PDZD2: variants seen among roughly 807,000 people sequenced by gnomAD.
PDZD2 encodes the protein PDZ domain containing 2.
A neutral mutation model predicts 220.7 loss-of-function variants in PDZD2; 90 were observed. That is an observed-to-expected ratio of 0.41 (90% CI 0.34 to 0.49). The LOEUF is 0.49. PDZD2 is among the 20% of genes least tolerant of loss of function. The probability of loss-of-function intolerance (pLI) is 0.28; values close to 1 mark genes in which losing one functional copy is unlikely to be tolerated. For synonymous variants in PDZD2, 1,375 were observed against 1,450.5 expected, an observed-to-expected ratio of 0.95 and a Z score of 1.18; for missense variants, 3,174 against 3,608.5, an observed-to-expected ratio of 0.88 and a Z score of 3.08.
chr5:31,919,885 T>C (rs1171386813), intron 2 of PDZD2, among the ~76,000 whole-genome samples: 1 of 150,632 alleles, frequency 6.6e-6, no homozygotes, highest in Non-Finnish European at 1.5e-5. Flanking sequence ...CCAGGCGTGG[T>C]GGTGTGTGCC....
intron 1 of PDZD2, among the ~76,000 whole-genome samples, chr5:31,759,315 G>C (rs1751491386): frequency 6.6e-6 from 1 of 152,136 alleles, no homozygotes; most frequent in Admixed American, 6.5e-5. Context: ...GCTCTTCGAG[G>C]CTTCGGGGGG....
At chr5:32,069,515 T>C (rs1344962521) in intron 14 of PDZD2, 54 bp from the exon 15 acceptor site, 1 of 1,023,092 alleles carries the variant, frequency 9.8e-7, no homozygotes, top group South Asian at 1.3e-5. Context: ...GTACTTTCAT[T>C]GGGAGAAATA....
At chr5:31,779,659 C>T (rs1020372849) in intron 1 of PDZD2, among the ~76,000 whole-genome samples, 1 of 152,140 alleles carries the variant, frequency 6.6e-6, no homozygotes, top group South Asian at 2.1e-4. Flanking sequence ...AGGTGTGAGC[C>T]ACCGCGCCCG....
At chr5:31,828,756 C>G (rs1308972155) in intron 2 of PDZD2, among the ~76,000 whole-genome samples, 1 of 152,208 alleles carries the variant, frequency 6.6e-6, no homozygotes, top group African/African-American at 2.4e-5. Context: ...ATGCCTCAGC[C>G]TTAGAAAGCA....
chr5:31,996,154 T>C (rs1258056323), intron 4 of PDZD2, among the ~76,000 whole-genome samples: 1 of 152,210 alleles, frequency 6.6e-6, no homozygotes, highest in African/African-American at 2.4e-5. Flanking sequence ...GCACTGGGGC[T>C]CCACTTGTCA....
intron 18 of PDZD2, among the ~76,000 whole-genome samples, chr5:32,075,928 T>C (rs530032850): frequency 6.6e-6 from 1 of 152,330 alleles, no homozygotes; most frequent in African/African-American, 2.4e-5. Flanking sequence ...AATATCATAT[T>C]TTACCTCCAA....
intron 2 of PDZD2, chr5:31,936,047 A>G: frequency 1.0e-6 from 1 of 977,878 alleles, no homozygotes; most frequent in Non-Finnish European, 1.2e-6. Context: ...GCGTGGCTGG[A>G]TGCATTCATA....
At chr5:32,107,512 T>A (rs1006864214) in intron 24 of PDZD2, 1 of 153,070 alleles carries the variant, frequency 6.5e-6, no homozygotes, top group African/African-American at 2.4e-5. Context: ...GAGCCAAAAC[T>A]GTACCACTGC....
In PDZD2 at chr5:32,108,348, G is replaced by A. The variant is rs563688674; in HGVS notation, c.*213G>A. 63 of 382,962 alleles carry A rather than the reference G, an allele frequency of 1.6e-4. No individual in the cohort carries two copies. In the Middle Eastern group the frequency reaches 2.8e-3, roughly 17 times the overall value. The allele number at this position is 382,962 out of a possible 1,614,324, so 23.7% of individuals were successfully genotyped here. On this transcript the variant is annotated 3_prime_UTR_variant, in exon 25 of 25. Coordinates refer to ENST00000438447, the MANE Select transcript of PDZD2 (RefSeq NM_178140.4). Reference sequence around the variant, plus strand: ...GCCTTCCACCTGCGTCACCCAGGCCGGGAGGGTTCCTTCGTTCCAGTGCCT... The same window carrying A: ...GCCTTCCACCTGCGTCACCCAGGCCAGGAGGGTTCCTTCGTTCCAGTGCCT...
intron 2 of PDZD2, among the ~76,000 whole-genome samples, chr5:31,940,164 G>T (rs779746285): frequency 3.9e-5 from 6 of 152,184 alleles, no homozygotes; most frequent in Non-Finnish European, 8.8e-5. Context: ...TGGAGATCCC[G>T]ACTGGAGCCC....
intron 2 of PDZD2, among the ~76,000 whole-genome samples, chr5:31,970,097 C>T (rs1225979489): frequency 6.6e-6 from 1 of 152,014 alleles, no homozygotes; most frequent in Admixed American, 6.6e-5. Flanking sequence ...AGGGTTTCTC[C>T]ATGTTGAGGC....
At chr5:32,068,929 A>G (rs1740479295) in intron 14 of PDZD2, among the ~76,000 whole-genome samples, 1 of 151,938 alleles carries the variant, frequency 6.6e-6, no homozygotes, top group South Asian at 2.1e-4. Flanking sequence ...AAAGTATACT[A>G]CTCTTGCACT....
rs193068048 is a variant in PDZD2 at position 32,036,515 on chromosome 5, T to C, written c.1408-716T>C. ...TGGGGGTTTTGTTTTGTTTTTAGCA[T>C]GTTGGGTTTCTCTAGGATGGAGGAC... On this transcript the variant is annotated intron_variant, in intron 6 of 24. Transcript: ENST00000438447. Among the ~76,000 whole-genome samples, 1,219 of 152,278 alleles carry C rather than the reference T, an allele frequency of 8.0e-3. 14 individuals carry two copies. Among genetic ancestry groups the C allele is most frequent in the Non-Finnish European group, 0.011 (718 of 68,012 alleles).
intron 10 of PDZD2, among the ~76,000 whole-genome samples, chr5:32,057,108 A>AT (rs948491590): frequency 1.5e-4 from 22 of 151,576 alleles, no homozygotes; most frequent in African/African-American, 3.9e-4. Flanking sequence ...TCAAAAAAAA[A>AT]TTTTTTTTTA....
chr5:32,000,134 C>T lies in PDZD2; in HGVS notation c.1122-5C>T. 6.2e-7 allele frequency: 1 copy of T among 1,613,922 alleles called. No homozygotes were observed. Among genetic ancestry groups the T allele is most frequent in the Non-Finnish European group, 8.5e-7 (1 of 1,179,852 alleles). On this transcript the variant is annotated splice_polypyrimidine_tract_variant and splice_region_variant and intron_variant, in intron 4 of 24. Transcript: ENST00000438447. The surrounding 1 kb of genome is among the most constrained non-coding windows in gnomAD (Gnocchi z 4.5). ...GGGATCTTTTTCCCATCTCCCTTTC[C>T]TCAGGGATGGCAGGCTGTCCTTAGG... is the stretch of plus-strand genomic sequence containing the variant.
intron 2 of PDZD2, among the ~76,000 whole-genome samples, chr5:31,959,603 A>T (rs777534539): frequency 1.2e-4 from 17 of 146,942 alleles, no homozygotes; most frequent in Non-Finnish European, 2.3e-4. Flanking sequence ...TCCCACCTCG[A>T]CCTCTCAAAG....
intron 2 of PDZD2, among the ~76,000 whole-genome samples, chr5:31,838,751 G>A (rs1224523490): frequency 6.6e-6 from 1 of 152,204 alleles, no homozygotes. Flanking sequence ...CCACTCTCAC[G>A]TTATAGCACA....
rs148653980 is a variant in PDZD2 at position 32,024,726 on chromosome 5, G to A, written c.1408-12505G>A. The stretch of plus-strand genomic sequence containing the variant: ...AAAAAAGAAAAGGAAAGAAAGAAAC[G>A]TGGGGTTTGGCACATATGCCCCATG... On this transcript the variant is annotated intron_variant, in intron 6 of 24. Coordinates refer to ENST00000438447, the MANE Select transcript of PDZD2 (RefSeq NM_178140.4). Among the ~76,000 whole-genome samples the A allele has an allele frequency of 1.3e-3, 192 of 150,444 alleles. 1 individual carries two copies. Among genetic ancestry groups the A allele is most frequent in the African/African-American group, 4.3e-3 (175 of 41,158 alleles).
intron 1 of PDZD2, among the ~76,000 whole-genome samples, chr5:31,704,255 T>C (rs1255543502): frequency 2.0e-5 from 3 of 152,196 alleles, no homozygotes; most frequent in African/African-American, 7.2e-5. Flanking sequence ...TCAAGCGATC[T>C]GCCAACCTCA....
Sources: allele counts gnomAD v4.1 joint callset (sites outside exome capture counted in the v4.1 genomes callset), GRCh38; gene constraint gnomAD v4.1.1; non-coding constraint Gnocchi (gnomAD v3.1); transcripts MANE v1.5; gene names NCBI Gene and HGNC (gene_info 2026-07-23, HGNC 2026-07-21).